The following PCDHA4 variants were observed in gnomAD, a reference collection of about 807,000 sequenced individuals.
The protein encoded by PCDHA4 is protocadherin alpha-4.
PCDHA4 carries 49 observed loss-of-function variants against 61.4 expected under a neutral mutation model. That is an observed-to-expected ratio of 0.80 (90% CI 0.63 to 1.01). The LOEUF (loss-of-function observed/expected upper bound fraction) is 1.01. Ranked by LOEUF, PCDHA4 falls within the 50% of genes least tolerant of loss-of-function variation. The probability of loss-of-function intolerance (pLI) is 0.00; values close to 1 mark genes in which losing one functional copy is unlikely to be tolerated. For missense variants in PCDHA4, 1,254 were observed against 1,235.8 expected (o/e 1.01, Z -0.22); for synonymous variants, 590 against 550.3 (o/e 1.07, Z -1.01).
At chr5:140,905,635 A>ACTGTTGCCTCAGGCAGTGCAGG (rs2071993181) in intron 1 of PCDHA4, among the ~76,000 whole-genome samples, 1 of 152,206 alleles carries the variant, frequency 6.6e-6, no homozygotes, top group South Asian at 2.1e-4. Flanking sequence ...CAGTATGGTC[A>ACTGTTGCCTCAGGCAGTGCAGG]GTTTCACAGT....
At position 140,841,167 on chromosome 5, in the gene PCDHA4, G is replaced by A. The variant is rs1003651834; in HGVS notation, c.2385+31595G>A. On this transcript the variant is annotated intron_variant, in intron 1 of 3. Coordinates refer to ENST00000530339, the MANE Select transcript of PCDHA4 (RefSeq NM_018907.4). ...ATGTCGCTGTCTACCAAGAAGTTCTGGTTGGTCAATGTTCAAAGTCTTTTC... is the reference window on the plus strand; with the variant it reads ...ATGTCGCTGTCTACCAAGAAGTTCTAGTTGGTCAATGTTCAAAGTCTTTTC... 13 of 954,538 alleles carry A rather than the reference G, an allele frequency of 1.4e-5. 1 individual carries two copies. In the South Asian group the frequency reaches 1.6e-4, roughly 12 times the overall value. 59.1% of individuals were successfully genotyped at this position (954,538 alleles called of 1,614,324 possible). A position where few individuals can be genotyped will look rare whatever the true frequency, so the allele number is the denominator to read the frequency against.
intron 1 of PCDHA4, chr5:140,856,613 A>G: frequency 6.3e-7 from 1 of 1,598,082 alleles, no homozygotes; most frequent in Non-Finnish European, 8.6e-7. Flanking sequence ...AGACAAAGAC[A>G]AATTCCCAGT....
intron 1 of PCDHA4, chr5:140,829,365 T>C: frequency 6.2e-7 from 1 of 1,614,230 alleles, no homozygotes; most frequent in Non-Finnish European, 8.5e-7. Context: ...GAGTTGGTGG[T>C]AACCGCGCGG....
intron 1 of PCDHA4, chr5:140,841,440 A>C: frequency 6.2e-7 from 1 of 1,612,980 alleles, no homozygotes; most frequent in South Asian, 1.1e-5. Flanking sequence ...GAGGAGGCCA[A>C]ACACGGCACC....
rs781898049 is a variant in PCDHA4, at chr5:140,808,132, C to T, written c.945C>T (p.Ser315=). The T allele has an allele frequency of 6.2e-7, 1 of 1,614,014 alleles. No homozygotes were observed. The highest frequency in any genetic ancestry group is 1.1e-5 in the South Asian group (1 of 91,086). ...ATATTGACTTTGAAGAAAGCAAATC[C>T]TATGAAATTATTGTAGAGGGCATTG... The part of the protein sequence containing the change: ...KGYIDFEESK[S]YEIIVEGIDK... The change falls in exon 1 of 4, where the codon TCC becomes TCT. Residue 315 remains serine, a synonymous_variant. Coordinates refer to ENST00000530339, the MANE Select transcript of PCDHA4 (RefSeq NM_018907.4).
chr5:140,877,076 T>C, intron 1 of PCDHA4: 1 of 1,613,022 alleles, frequency 6.2e-7, no homozygotes, highest in Non-Finnish European at 8.5e-7. Flanking sequence ...CAGTTCCAGG[T>C]GAGCGCGCGC....
At chr5:140,829,647 C>CGGAGA in intron 1 of PCDHA4, 1 of 1,612,324 alleles carries the variant, frequency 6.2e-7, no homozygotes, top group Non-Finnish European at 8.5e-7. Context: ...AAGGTGTACG[C>CGGAGA]GCTGCAGCCG....
intron 1 of PCDHA4, among the ~76,000 whole-genome samples, chr5:140,976,407 C>T (rs781867787): frequency 1.1e-4 from 17 of 151,868 alleles, no homozygotes; most frequent in Non-Finnish European, 2.1e-4. Flanking sequence ...AAAAATTAGC[C>T]AGGTACGGTG....
chr5:140,869,144 T>A, intron 1 of PCDHA4: 1 of 1,613,654 alleles, frequency 6.2e-7, no homozygotes, highest in Non-Finnish European at 8.5e-7. Context: ...ACCCCACGAC[T>A]ACAGCTCTGG....
chr5:140,997,565 A>T (rs552009994), intron 3 of PCDHA4, among the ~76,000 whole-genome samples: 1 of 152,174 alleles, frequency 6.6e-6, no homozygotes, highest in Non-Finnish European at 1.5e-5. Context: ...CAACTGTCAT[A>T]TGTGTGGTCC....
chr5:140,972,280 T>C (rs1210047183), intron 1 of PCDHA4, among the ~76,000 whole-genome samples: 1 of 151,092 alleles, frequency 6.6e-6, no homozygotes, highest in South Asian at 2.1e-4. Context: ...GCTTGGACCA[T>C]AGATGTGCGC....
chr5:140,943,831 A>T (rs1051741610), intron 1 of PCDHA4, among the ~76,000 whole-genome samples: 2 of 152,214 alleles, frequency 1.3e-5, no homozygotes, highest in African/African-American at 4.8e-5. Flanking sequence ...GAGTTGATTG[A>T]AGTTGTAAGA....
chr5:140,946,508 G>A (rs1352307719), intron 1 of PCDHA4, among the ~76,000 whole-genome samples: 3 of 151,202 alleles, frequency 2.0e-5, no homozygotes, highest in Non-Finnish European at 3.0e-5. Flanking sequence ...GTATGTCAAA[G>A]ACCTATCCGC....
At chr5:140,904,275 C>A (rs169087) in intron 1 of PCDHA4, among the ~76,000 whole-genome samples, 7,060 of 152,068 alleles carry the variant, frequency 0.046, 292 homozygotes, top group African/African-American at 0.11. Flanking sequence ...TGAATGAGAA[C>A]ATGTGGTGTT....
Position 140,809,107 on chromosome 5 carries a change from G to C in PCDHA4, c.1920G>C (p.Thr640=), listed in dbSNP as rs1333130927. 6.2e-7 allele frequency: 1 copy of C among 1,613,952 alleles called. No individual in the cohort carries two copies. Among genetic ancestry groups the C allele is most frequent in the Non-Finnish European group, 8.5e-7 (1 of 1,179,916 alleles). ...GCACAACGCGTGCCCTGGACGAAACGGACGCTCCGCGCCACCGCCTACTGG... is the reference window on the plus strand; with the variant it reads ...GCACAACGCGTGCCCTGGACGAAACCGACGCTCCGCGCCACCGCCTACTGG... ...EISTTRALDE[T]DAPRHRLLVL... The change falls in exon 1 of 4, where the codon ACG becomes ACC. Residue 640 remains threonine (T), a synonymous_variant. Coordinates refer to ENST00000530339, the MANE Select transcript of PCDHA4 (RefSeq NM_018907.4).
At chr5:140,913,203 G>A (rs2076251339) in intron 1 of PCDHA4, among the ~76,000 whole-genome samples, 1 of 152,182 alleles carries the variant, frequency 6.6e-6, no homozygotes, top group African/African-American at 2.4e-5. Flanking sequence ...TGGCAGTGAA[G>A]CCAATGGGTC....
At position 140,810,442 on chromosome 5, in the gene PCDHA4, A is replaced by G. The variant is rs372953420; in HGVS notation, c.2385+870A>G. 7 of 152,218 alleles carry G rather than the reference A, an allele frequency of 4.6e-5. No individual in the cohort carries two copies. In the East Asian group the frequency reaches 7.7e-4, roughly 17 times the overall value. 9.4% of individuals were successfully genotyped at this position (152,218 alleles called of 1,614,324 possible). On this transcript the variant is annotated intron_variant, in intron 1 of 3. Transcript: ENST00000530339. ...TTCCAAGATGTTTTTACCTGTTTAC[A>G]TTCCTAGTAGTGCATAAGGCTTTCT...
chr5:140,993,535 GAGAT>G (rs2097571300), intron 3 of PCDHA4, among the ~76,000 whole-genome samples: 1 of 151,900 alleles, frequency 6.6e-6, no homozygotes, highest in African/African-American at 2.4e-5. Context: ...GAGAGAGAGA[GAGAT>G]AGAGAAGTGA....
chr5:140,850,339 C>T (rs2150480105), intron 1 of PCDHA4: 3 of 1,597,742 alleles, frequency 1.9e-6, no homozygotes, highest in East Asian at 2.2e-5. Flanking sequence ...CAGCCAGAAA[C>T]GGCCAGCGCG....
Sources: allele counts gnomAD v4.1 joint callset (sites outside exome capture counted in the v4.1 genomes callset), GRCh38; gene constraint gnomAD v4.1.1; transcripts MANE v1.5; gene names NCBI Gene and HGNC (gene_info 2026-07-23, HGNC 2026-07-21).